The following TEX10 variants were observed in gnomAD, a reference collection of about 807,000 sequenced individuals.
The protein encoded by TEX10 is testis expressed 10.
A neutral mutation model predicts 104.4 loss-of-function variants in TEX10; 24 were observed. The observed-to-expected ratio is 0.23, with a 90% CI of 0.17 to 0.32. The LOEUF (loss-of-function observed/expected upper bound fraction) is 0.32, where lower values mean the gene tolerates loss of function less well. Ranked by LOEUF, TEX10 falls within the 10% of genes least tolerant of loss-of-function variation. The pLI is 1.00. For synonymous variants in TEX10, 396 were observed against 393.4 expected, an observed-to-expected ratio of 1.01 and a Z score of -0.08; for missense variants, 921 against 1,083.9, an observed-to-expected ratio of 0.85 and a Z score of 2.11.
At chr9:100,319,223 A>G (rs927623462) in intron 11 of TEX10, among the ~76,000 whole-genome samples, 7 of 152,006 alleles carry the variant, frequency 4.6e-5, no homozygotes, top group African/African-American at 1.7e-4. Context: ...ACCAAACCCC[A>G]AAACAGTAAC....
In TEX10 at chr9:100,308,560, T is replaced by C. The variant is rs1834197221; in HGVS notation, c.2405A>G (p.Tyr802Cys). 6.2e-7 allele frequency: 1 copy of C among 1,612,760 alleles called. No individual in the cohort carries two copies. The highest frequency in any genetic ancestry group is 8.5e-7 in the Non-Finnish European group (1 of 1,179,324). The change falls in exon 13 of 15, where the codon TAC becomes TGC. Residue 802 changes from tyrosine to cysteine, a missense_variant. Around this residue, in one of 3 missense-constraint regions of TEX10, gnomAD observed 753 missense variants for 868.4 expected, o/e 0.87. Transcript: ENST00000374902. ...TLLPFLASCCYSLLYFLLTIE... is the reference protein window; with the variant it reads ...TLLPFLASCCCSLLYFLLTIE... Reference sequence around the variant, plus strand: ...AGTGAGCAGAAAATAAAGAAGACTGTAGCAACAAGAAGCCAGAAATGGCAG... The same window carrying C: ...AGTGAGCAGAAAATAAAGAAGACTGCAGCAACAAGAAGCCAGAAATGGCAG...
intron 13 of TEX10, chr9:100,304,947 ATTAAAC>A (rs1302113321): frequency 3.9e-5 from 6 of 152,228 alleles, no homozygotes; most frequent in East Asian, 1.9e-4. Flanking sequence ...GTGGGCCCTA[ATTAAAC>A]TTAAGAACAA....
At chr9:100,348,559 C>T (rs903960169) in intron 2 of TEX10, among the ~76,000 whole-genome samples, 4 of 152,224 alleles carry the variant, frequency 2.6e-5, no homozygotes, top group Middle Eastern at 3.4e-3. Flanking sequence ...TCTTAATTCG[C>T]TAAAAAACAG....
chr9:100,347,523 T>C, intron 2 of TEX10, 117 bp from the exon 3 acceptor site: 2 of 685,938 alleles, frequency 2.9e-6, no homozygotes, highest in Non-Finnish European at 4.5e-6. Flanking sequence ...ACTGCTTCAA[T>C]AAGTACTTTT....
At chr9:100,331,044 T>A (rs774733243) in intron 5 of TEX10, among the ~76,000 whole-genome samples, 1 of 151,388 alleles carries the variant, frequency 6.6e-6, no homozygotes, top group Non-Finnish European at 1.5e-5. Context: ...TCACCTGAGG[T>A]CAGGAGTTCA....
At chr9:100,338,185 G>C (rs1352592176) in intron 5 of TEX10, among the ~76,000 whole-genome samples, 1 of 152,184 alleles carries the variant, frequency 6.6e-6, no homozygotes, top group Non-Finnish European at 1.5e-5. Flanking sequence ...TTGCTTGCTA[G>C]TTTTGTTTTT....
At chr9:100,325,751 G>C (rs1162550259) in intron 9 of TEX10, among the ~76,000 whole-genome samples, 1 of 152,070 alleles carries the variant, frequency 6.6e-6, no homozygotes, top group African/African-American at 2.4e-5. Context: ...GGCTGGTCTT[G>C]AACTTCTGAC....
In TEX10 at chr9:100,349,376, T is replaced by C; in HGVS notation, c.-9-4A>G. 7 of 1,540,000 alleles carry C rather than the reference T, an allele frequency of 4.5e-6. No homozygotes were observed. Among genetic ancestry groups the C allele is most frequent in the Non-Finnish European group, 5.2e-6 (6 of 1,147,280 alleles). On this transcript the variant is annotated splice_polypyrimidine_tract_variant and splice_region_variant and intron_variant, in intron 1 of 14. Transcript: ENST00000374902. ...TTTTTTTAGTCATTCTCGACTACTA[T>C]AATGAAAAGAATTAATTAAAAGCAA...
chr9:100,317,947 C>G (rs1834462705), intron 11 of TEX10, among the ~76,000 whole-genome samples: 1 of 152,022 alleles, frequency 6.6e-6, no homozygotes, highest in South Asian at 2.1e-4. Flanking sequence ...TCATACCAGT[C>G]AGAATGGCTA....
At chr9:100,333,261 G>A (rs183227794) in intron 5 of TEX10, among the ~76,000 whole-genome samples, 16 of 152,198 alleles carry the variant, frequency 1.1e-4, no homozygotes, top group African/African-American at 3.4e-4. Flanking sequence ...ACTGTGCCCG[G>A]ACAACATCCC....
chr9:100,314,890 C>T (rs1834377225), intron 11 of TEX10, among the ~76,000 whole-genome samples: 1 of 152,130 alleles, frequency 6.6e-6, no homozygotes, highest in Non-Finnish European at 1.5e-5. Context: ...TTTCCTGTAT[C>T]TCATGGGTTT....
chr9:100,326,210 T>C, intron 9 of TEX10, 92 bp downstream of exon 9: 22 of 1,358,880 alleles, frequency 1.6e-5, no homozygotes, highest in African/African-American at 2.9e-5. Context: ...AAGTAGTGTA[T>C]GCGACTTCAA....
intron 4 of TEX10, among the ~76,000 whole-genome samples, chr9:100,344,432 G>T (rs747812295): frequency 9.2e-5 from 14 of 152,112 alleles, no homozygotes; most frequent in Non-Finnish European, 1.9e-4. Context: ...TTGAATTTTG[G>T]TCCTACTAGT....
rs1382038423 is a variant in TEX10, at chr9:100,336,191, C to CA, written c.1250+4065dup. Among the ~76,000 whole-genome samples the CA allele has an allele frequency of 2.0e-5, 3 of 152,026 alleles. No homozygotes were observed. The East Asian group carries it at 5.8e-4, about 29-fold the overall frequency. Reference sequence around the variant, plus strand: ...TCAAAAAAATGAATAAATAAATAAACAAAAAATAAAAATACACTGGGGGTA... The same window carrying CA: ...TCAAAAAAATGAATAAATAAATAAACAAAAAAATAAAAATACACTGGGGGTA... On this transcript the variant is annotated intron_variant, in intron 5 of 14. Coordinates refer to ENST00000374902, the MANE Select transcript of TEX10 (RefSeq NM_017746.4).
chr9:100,320,160 T>G, intron 11 of TEX10, 105 bp downstream of exon 11: 1 of 1,068,210 alleles, frequency 9.4e-7, no homozygotes, highest in Non-Finnish European at 1.3e-6. Flanking sequence ...TTTAAACAAG[T>G]ATCTTTGAAA....
At chr9:100,348,557 C>T (rs775477578) in intron 2 of TEX10, among the ~76,000 whole-genome samples, 13 of 152,114 alleles carry the variant, frequency 8.5e-5, no homozygotes, top group South Asian at 2.1e-4. Context: ...TATCTTAATT[C>T]GCTAAAAAAC....
chr9:100,321,789 A>G lies in TEX10; in HGVS notation c.1980-18T>C, dbSNP rs1834579035. 1 of 1,596,740 alleles carries G rather than the reference A, an allele frequency of 6.3e-7. No homozygotes were observed. The highest frequency in any genetic ancestry group is 1.3e-5 in the African/African-American group (1 of 74,752). On this transcript the variant is annotated intron_variant, in intron 9 of 14. Transcript: ENST00000374902. ...ATGATGATCTATAAAAAACAAAGGGAGAACTATTACCAGAAGTGACCAACT... is the reference window on the plus strand; with the variant it reads ...ATGATGATCTATAAAAAACAAAGGGGGAACTATTACCAGAAGTGACCAACT...
At chr9:100,352,332 G>A in intron 1 of TEX10, 1 of 1,548,458 alleles carries the variant, frequency 6.5e-7, no homozygotes, top group Admixed American at 2.0e-5. Flanking sequence ...TAACTCTCCC[G>A]CCTGGGCGAC....
At position 100,349,368 on chromosome 9, in the gene TEX10, GACT is replaced by G; in HGVS notation, c.-8_-6del. ...GCGTTTTCTTTTTTTAGTCATTCTC[GACT>G]ACTATAATGAAAAGAATTAATTAAA... On this transcript the variant is annotated splice_region_variant and 5_prime_UTR_variant, in exon 2 of 15. Transcript: ENST00000374902. 8 of 1,557,314 alleles carry G rather than the reference GACT, an allele frequency of 5.1e-6. No homozygotes were observed. The highest frequency in any genetic ancestry group is 6.1e-6 in the Non-Finnish European group (7 of 1,155,518).
Sources: allele counts gnomAD v4.1 joint callset (sites outside exome capture counted in the v4.1 genomes callset), GRCh38; gene constraint gnomAD v4.1.1; regional missense constraint gnomAD v4.1.1; transcripts MANE v1.5; gene names NCBI Gene and HGNC (gene_info 2026-07-23, HGNC 2026-07-21).